Variants in PDE4B observed in about 807,000 individuals in gnomAD.
PDE4B encodes the protein phosphodiesterase 4B, also known as 3',5'-cyclic-AMP phosphodiesterase 4B.
A neutral mutation model predicts 82.2 loss-of-function variants in PDE4B; 20 were observed. The observed-to-expected ratio is 0.24, with a 90% CI of 0.17 to 0.35. PDE4B has a LOEUF of 0.35. PDE4B is among the 10% of genes least tolerant of loss of function. PDE4B has a pLI of 1.00. For synonymous variants in PDE4B, 320 were observed against 318.9 expected, an observed-to-expected ratio of 1.00 and a Z score of -0.04; for missense variants, 655 against 907.2, an observed-to-expected ratio of 0.72 and a Z score of 3.57.
intron 1 of PDE4B, among the ~76,000 whole-genome samples, chr1:65,852,649 ATT>A (rs1310629828): frequency 6.6e-6 from 1 of 151,824 alleles, no homozygotes; most frequent in East Asian, 1.9e-4. Context: ...TTTTACTTTC[ATT>A]TTTATTCAGT....
chr1:66,143,864 G>A (rs1984178), intron 3 of PDE4B, among the ~76,000 whole-genome samples: 84,071 of 152,052 alleles, frequency 0.55, 25,062 homozygotes, highest in Non-Finnish European at 0.68. Context: ...AACCACGATG[G>A]CAGATGTCTT....
chr1:66,090,621 A>ATATATATATATATATGTGTG lies in PDE4B; in HGVS notation c.282-156838_282-156837insATATATATATATATGTGTGT. On this transcript the variant is annotated intron_variant, in intron 3 of 16. Coordinates refer to ENST00000341517, the MANE Select transcript of PDE4B (RefSeq NM_002600.4). Reference sequence around the variant, plus strand: ...TTATATATATATATGTATATAATATATGTGTGTGTGTGTGTGTGTATGTAC... The same window carrying ATATATATATATATATGTGTG: ...TTATATATATATATGTATATAATATATATATATATATATATGTGTGTGTGTGTGTGTGTGTGTGTATGTAC... 5.7e-5 allele frequency among the ~76,000 whole-genome samples: 7 copies of ATATATATATATATATGTGTG among 122,730 alleles called. 1 individual carries two copies. The highest frequency in any genetic ancestry group is 2.1e-4 in the African/African-American group (5 of 24,376). 80.5% of individuals were successfully genotyped at this position (122,730 alleles called of 152,430 possible).
rs142005198 is a variant in PDE4B at position 66,234,390 on chromosome 1, G to A, written c.282-13070G>A. 8.0e-3 allele frequency among the ~76,000 whole-genome samples: 1,215 copies of A among 152,292 alleles called. 18 individuals carry two copies. Among genetic ancestry groups the A allele is most frequent in the African/African-American group, 0.028 (1,146 of 41,550 alleles). On this transcript the variant is annotated intron_variant, in intron 3 of 16. Coordinates refer to ENST00000341517, the MANE Select transcript of PDE4B (RefSeq NM_002600.4). ...TGCAACCTCTGCCTCCCGGGTTCAA[G>A]TGATTCTCCCGCTTCAGCCTCCCAT...
At chr1:66,352,604 C>G (rs1661923543) in intron 8 of PDE4B, among the ~76,000 whole-genome samples, 1 of 152,188 alleles carries the variant, frequency 6.6e-6, no homozygotes, top group Non-Finnish European at 1.5e-5. Context: ...AGAACTGGTC[C>G]TACCCTCTCT....
chr1:66,348,831 G>A (rs1661606187), intron 8 of PDE4B, among the ~76,000 whole-genome samples: 1 of 151,890 alleles, frequency 6.6e-6, no homozygotes, highest in Admixed American at 6.6e-5. Flanking sequence ...GAATGTATCA[G>A]TCTTTAGGTA....
chr1:66,158,579 C>T (rs1237705035), intron 3 of PDE4B, among the ~76,000 whole-genome samples: 1 of 152,260 alleles, frequency 6.6e-6, no homozygotes, highest in East Asian at 1.9e-4. Flanking sequence ...TATTATCCAG[C>T]AATCCCACTA....
At chr1:66,208,347 A>C (rs1029930407) in intron 3 of PDE4B, among the ~76,000 whole-genome samples, 5 of 152,188 alleles carry the variant, frequency 3.3e-5, no homozygotes, top group Non-Finnish European at 7.4e-5. Context: ...AACAATGGGA[A>C]TGAAGAGATT....
intron 3 of PDE4B, among the ~76,000 whole-genome samples, chr1:66,105,822 G>A (rs1288731350): frequency 1.3e-5 from 2 of 151,884 alleles, no homozygotes; most frequent in African/African-American, 4.8e-5. Flanking sequence ...TTGCTTATCA[G>A]CTTAAGGAGA....
intron 7 of PDE4B, among the ~76,000 whole-genome samples, chr1:66,293,966 G>A (rs1015631695): frequency 6.6e-6 from 1 of 152,194 alleles, no homozygotes; most frequent in African/African-American, 2.4e-5. Context: ...AGCACTTTGG[G>A]AGGCCAAGCT....
At chr1:65,806,553 C>T (rs764540433) in intron 1 of PDE4B, among the ~76,000 whole-genome samples, 8 of 152,070 alleles carry the variant, frequency 5.3e-5, no homozygotes, top group Non-Finnish European at 8.8e-5. Flanking sequence ...CATTTGAATC[C>T]GTCTCTTCAG....
chr1:66,305,242 A>G (rs899928624), intron 7 of PDE4B, among the ~76,000 whole-genome samples: 1 of 152,198 alleles, frequency 6.6e-6, no homozygotes, highest in Admixed American at 6.6e-5. Flanking sequence ...TCAAAATGCA[A>G]AAACCCAGAG....
intron 4 of PDE4B, among the ~76,000 whole-genome samples, chr1:66,254,572 G>T (rs1232325004): frequency 6.6e-6 from 1 of 151,972 alleles, no homozygotes; most frequent in Non-Finnish European, 1.5e-5. Flanking sequence ...CTTCCTGCTC[G>T]ATGTCTCCAC....
chr1:66,103,688 G>A (rs1645274112), intron 3 of PDE4B, among the ~76,000 whole-genome samples: 1 of 152,028 alleles, frequency 6.6e-6, no homozygotes, highest in Non-Finnish European at 1.5e-5. Context: ...CATTCAGTTG[G>A]TGTGACAATC....
chr1:65,825,918 T>C (rs887220710), intron 1 of PDE4B, among the ~76,000 whole-genome samples: 3 of 152,208 alleles, frequency 2.0e-5, no homozygotes, highest in African/African-American at 7.2e-5. Context: ...TGAATACTTT[T>C]ACAGTGATGG....
chr1:66,232,601 T>C (rs954578825), intron 3 of PDE4B, among the ~76,000 whole-genome samples: 1 of 151,814 alleles, frequency 6.6e-6, no homozygotes, highest in Non-Finnish European at 1.5e-5. Context: ...ACATTTAGAA[T>C]TGGAAAAAAA....
chr1:66,163,576 T>C (rs1195935349), intron 3 of PDE4B, among the ~76,000 whole-genome samples: 8 of 151,908 alleles, frequency 5.3e-5, no homozygotes, highest in Admixed American at 5.2e-4. Flanking sequence ...TGTAAAGAAA[T>C]TGCTTAGAAA....
At chr1:65,816,745 A>G (rs1645889797) in intron 1 of PDE4B, among the ~76,000 whole-genome samples, 1 of 152,230 alleles carries the variant, frequency 6.6e-6, no homozygotes, top group Non-Finnish European at 1.5e-5. Flanking sequence ...GGGAAAATTA[A>G]TATGATACAG....
Position 66,160,678 on chromosome 1 carries a change from G to C in PDE4B, c.282-86782G>C, listed in dbSNP as rs569473465. On this transcript the variant is annotated intron_variant, in intron 3 of 16. Coordinates refer to ENST00000341517, the MANE Select transcript of PDE4B (RefSeq NM_002600.4). ...TACAAGAATAAAAAGATATCTAAGT[G>C]TCCTCACACACGTCCTTGCTTGTTT... 9.4e-4 allele frequency among the ~76,000 whole-genome samples: 143 copies of C among 152,272 alleles called. 1 individual carries two copies. Among genetic ancestry groups the C allele is most frequent in the African/African-American group, 3.3e-3 (137 of 41,538 alleles).
chr1:66,013,871 G>A (rs969052860), intron 3 of PDE4B, among the ~76,000 whole-genome samples: 2 of 151,956 alleles, frequency 1.3e-5, no homozygotes, highest in Non-Finnish European at 2.9e-5. Flanking sequence ...TTTCCCATAC[G>A]GTTCTCCATA....
Sources: allele counts gnomAD v4.1 joint callset (sites outside exome capture counted in the v4.1 genomes callset), GRCh38; gene constraint gnomAD v4.1.1; transcripts MANE v1.5; gene names NCBI Gene and HGNC (gene_info 2026-07-23, HGNC 2026-07-21).